The following HS3ST5 variants were observed in gnomAD, a reference collection of about 807,000 sequenced individuals.
The protein encoded by HS3ST5 is heparan sulfate-glucosamine 3-sulfotransferase 5.
A neutral mutation model predicts 25.4 loss-of-function variants in HS3ST5; 10 were observed. That is an observed-to-expected ratio of 0.39 (90% CI 0.24 to 0.67). The LOEUF is 0.67. HS3ST5 is among the 30% of genes least tolerant of loss of function. The pLI is 0.44. For missense variants in HS3ST5, 324 were observed against 420.7 expected (o/e 0.77, Z 2.01); for synonymous variants, 170 against 162.4 (o/e 1.05, Z -0.36).
At chr6:114,162,028 AT>A (rs1235472354) in intron 3 of HS3ST5, among the ~76,000 whole-genome samples, 9 of 152,070 alleles carry the variant, frequency 5.9e-5, no homozygotes, top group African/African-American at 2.2e-4. Context: ...ATGAAACATC[AT>A]TTTTTAGTTG....
chr6:114,147,742 C>T (rs1284585094), intron 3 of HS3ST5, among the ~76,000 whole-genome samples: 6 of 151,928 alleles, frequency 3.9e-5, no homozygotes, highest in Admixed American at 6.6e-5. Flanking sequence ...CACCACACTT[C>T]GCTAATTTTT....
rs182238895 is a variant in HS3ST5 at position 114,235,099 on chromosome 6, G to A, written c.-338-6321C>T. ...GACTGTGCCACTGCACTCCAGCCTG[G>A]GCGACAGAGCAAAGCTCTGTCTCAA... On this transcript the variant is annotated intron_variant, in intron 1 of 4. Transcript: ENST00000312719. 4.6e-5 allele frequency among the ~76,000 whole-genome samples: 7 copies of A among 152,150 alleles called. No homozygotes were observed. The East Asian group carries it at 1.4e-3, about 29-fold the overall frequency.
At chr6:114,294,362 G>A (rs990469608) in intron 1 of HS3ST5, among the ~76,000 whole-genome samples, 4 of 151,838 alleles carry the variant, frequency 2.6e-5, no homozygotes, top group African/African-American at 9.7e-5. Flanking sequence ...CCAGCTTTTG[G>A]TAAAAACTTG....
At chr6:114,336,216 A>AT (rs1318153182) in intron 1 of HS3ST5, among the ~76,000 whole-genome samples, 1 of 152,168 alleles carries the variant, frequency 6.6e-6, no homozygotes, top group Non-Finnish European at 1.5e-5. Context: ...TACTTTCTGA[A>AT]TTTTTACTAT....
At position 114,057,641 on chromosome 6, in the gene HS3ST5, T is replaced by C; in HGVS notation, c.657A>G (p.Thr219=). The change falls in exon 5 of 5, where the codon ACA becomes ACG. Residue 219 remains threonine (T), a synonymous_variant. Transcript: ENST00000312719. ...KFEKLAIDPN[T]CEVNTKYKAV... is the part of the protein sequence containing the mutation. ...CTTTGTATTTTGTGTTCACTTCGCA[T>C]GTATTAGGGTCTATGGCCAGCTTCT... The C allele has an allele frequency of 1.2e-6, 2 of 1,614,142 alleles. No homozygotes were observed. Among genetic ancestry groups the C allele is most frequent in the Non-Finnish European group, 1.7e-6 (2 of 1,180,008 alleles).
chr6:114,249,784 G>A (rs1772561894), intron 1 of HS3ST5, among the ~76,000 whole-genome samples: 1 of 152,080 alleles, frequency 6.6e-6, no homozygotes, highest in African/African-American at 2.4e-5. Flanking sequence ...CTCTCCATCT[G>A]TCCAAAATTT....
At chr6:114,341,367 C>CA (rs1776863251) in intron 1 of HS3ST5, among the ~76,000 whole-genome samples, 1 of 152,026 alleles carries the variant, frequency 6.6e-6, no homozygotes, top group Non-Finnish European at 1.5e-5. Context: ...GTAGAGGAAA[C>CA]CCACCAAGGT....
At chr6:114,170,618 A>G (rs1779434918) in intron 2 of HS3ST5, among the ~76,000 whole-genome samples, 1 of 152,174 alleles carries the variant, frequency 6.6e-6, no homozygotes, top group Non-Finnish European at 1.5e-5. Flanking sequence ...CTCTGATTCA[A>G]CATCAAACTG....
rs183852098 is a variant in HS3ST5 at position 114,257,273 on chromosome 6, G to A, written c.-338-28495C>T. On this transcript the variant is annotated intron_variant, in intron 1 of 4. Coordinates refer to ENST00000312719, the MANE Select transcript of HS3ST5 (RefSeq NM_153612.4). ...GCAGGGCATAGCCCAGGTTTTTAAC[G>A]TAGAAAAATAAGAAAAATTTTGAAA... 3.9e-3 allele frequency among the ~76,000 whole-genome samples: 593 copies of A among 152,226 alleles called. 6 individuals carry two copies. Among genetic ancestry groups the A allele is most frequent in the Middle Eastern group, 6.8e-3 (2 of 294 alleles).
chr6:114,210,523 A>G (rs1879130), intron 2 of HS3ST5, among the ~76,000 whole-genome samples: 147,631 of 152,282 alleles, frequency 0.97, 71,737 homozygotes, highest in East Asian at 1. Flanking sequence ...CTATGAACGC[A>G]AAACTGATAT....
intron 1 of HS3ST5, among the ~76,000 whole-genome samples, chr6:114,336,529 C>T (rs1776618494): frequency 6.6e-6 from 1 of 152,156 alleles, no homozygotes; most frequent in African/African-American, 2.4e-5. Flanking sequence ...ATCACTTGAA[C>T]CCAAGAGGAG....
chr6:114,232,965 T>C (rs1290895113), intron 1 of HS3ST5, among the ~76,000 whole-genome samples: 1 of 152,134 alleles, frequency 6.6e-6, no homozygotes, highest in African/African-American at 2.4e-5. Context: ...TTTCCACAGT[T>C]CTCAGGCTAA....
intron 3 of HS3ST5, among the ~76,000 whole-genome samples, chr6:114,163,373 A>G (rs1362888211): frequency 6.6e-6 from 1 of 152,180 alleles, no homozygotes; most frequent in Non-Finnish European, 1.5e-5. Context: ...GTAAGTTTTA[A>G]ATAAAACTGA....
intron 1 of HS3ST5, among the ~76,000 whole-genome samples, chr6:114,329,028 TC>T (rs1328843374): frequency 1.3e-5 from 2 of 152,230 alleles, no homozygotes. Context: ...ACTAAGACTG[TC>T]GCAGAGTTGT....
intron 3 of HS3ST5, among the ~76,000 whole-genome samples, chr6:114,091,816 A>AT (rs1048279726): frequency 4.1e-4 from 62 of 152,190 alleles, no homozygotes; most frequent in African/African-American, 1.3e-3. Context: ...TCCTATGATG[A>AT]TTTTTTTATT....
rs187402863 is a variant in HS3ST5, at chr6:114,223,995, A to T, written c.-145+4590T>A. Among the ~76,000 whole-genome samples the T allele has an allele frequency of 5.9e-5, 9 of 151,800 alleles. No individual in the cohort carries two copies. In the East Asian group the frequency reaches 7.7e-4, roughly 13 times the overall value. ...TTAAAGCTATTACTTATTCAAGATCATATACCTTCATTATGTATTATACCC... is the reference window on the plus strand; with the variant it reads ...TTAAAGCTATTACTTATTCAAGATCTTATACCTTCATTATGTATTATACCC... On this transcript the variant is annotated intron_variant, in intron 2 of 4. Coordinates refer to ENST00000312719, the MANE Select transcript of HS3ST5 (RefSeq NM_153612.4).
chr6:114,222,147 G>A (rs1343177206), intron 2 of HS3ST5, among the ~76,000 whole-genome samples: 2 of 151,816 alleles, frequency 1.3e-5, no homozygotes, highest in East Asian at 1.9e-4. Context: ...ACAAAGTATA[G>A]GATCCGATCT....
chr6:114,296,339 C>T (rs1300679900), intron 1 of HS3ST5, among the ~76,000 whole-genome samples: 2 of 151,544 alleles, frequency 1.3e-5, no homozygotes, highest in African/African-American at 4.8e-5. Context: ...ATTGGTTTTG[C>T]CCTGGAAAAA....
intron 1 of HS3ST5, among the ~76,000 whole-genome samples, chr6:114,311,524 T>G (rs1446316041): frequency 6.7e-6 from 1 of 148,518 alleles, no homozygotes; most frequent in Non-Finnish European, 1.5e-5. Context: ...ACATATTTTC[T>G]TTCTTTCTCT....
Sources: allele counts gnomAD v4.1 joint callset (sites outside exome capture counted in the v4.1 genomes callset), GRCh38; gene constraint gnomAD v4.1.1; transcripts MANE v1.5; gene names NCBI Gene and HGNC (gene_info 2026-07-23, HGNC 2026-07-21).